Variants in ADGRE1 observed in about 807,000 individuals in gnomAD.
The protein encoded by ADGRE1 is adhesion G protein-coupled receptor E1, also known as EGF-like module receptor 1.
ADGRE1 carries 82 observed loss-of-function variants against 102.7 expected under a neutral mutation model. The ratio of observed to expected loss-of-function variants is 0.80; its 90% CI spans 0.67 to 0.96. The LOEUF is 0.96. Among genes scored for constraint, ADGRE1 ranks in the 40% least tolerant of loss-of-function variants. The pLI is 0.00. For missense variants in ADGRE1, 1,032 were observed against 1,085.3 expected, an observed-to-expected ratio of 0.95 and a Z score of 0.69; for synonymous variants, 398 against 399.6, an observed-to-expected ratio of 1.00 and a Z score of 0.05.
intron 9 of ADGRE1, 103 bp from the exon 10 acceptor site, chr19:6,908,586 C>A: frequency 1.1e-6 from 1 of 950,874 alleles, no homozygotes; most frequent in Non-Finnish European, 1.5e-6. Flanking sequence ...TTCAGAGCCA[C>A]CTCATATGAT....
At chr19:6,910,255 A>G (rs567291428) in intron 10 of ADGRE1, among the ~76,000 whole-genome samples, 6 of 152,128 alleles carry the variant, frequency 3.9e-5, no homozygotes, top group African/African-American at 1.2e-4. Context: ...ACTTAGTTCA[A>G]TTTCCTCGAA....
chr19:6,891,943 G>T (rs571393020), intron 2 of ADGRE1, among the ~76,000 whole-genome samples: 54 of 152,186 alleles, frequency 3.5e-4, no homozygotes, highest in Admixed American at 1.2e-3. Context: ...TTGGAGGACC[G>T]AGCGAAGGTG....
chr19:6,901,035 C>G (rs1027910611), intron 5 of ADGRE1, among the ~76,000 whole-genome samples: 1 of 152,170 alleles, frequency 6.6e-6, no homozygotes, highest in African/African-American at 2.4e-5. Flanking sequence ...AGCCTCATCC[C>G]CATGGTTGGG....
intron 18 of ADGRE1, among the ~76,000 whole-genome samples, chr19:6,936,261 C>G (rs949822648): frequency 6.6e-6 from 1 of 151,832 alleles, no homozygotes; most frequent in African/African-American, 2.4e-5. Context: ...ATGGTGAAAC[C>G]CTGTCTTTAC....
chr19:6,924,783 CACA>C lies in ADGRE1; in HGVS notation c.1901_1903del (p.Asn634del). The C allele has an allele frequency of 6.2e-7, 1 of 1,614,160 alleles. No individual in the cohort carries two copies. ...TCTGCTGTGTCGCTCCATCCGAAAT[CACA>C]ACACCTACCTCCACCTGCACCTCTG... On this transcript the variant is annotated inframe_deletion, in exon 15 of 21. Coordinates refer to ENST00000312053, the MANE Select transcript of ADGRE1 (RefSeq NM_001974.5).
At chr19:6,929,448 A>C (rs1975054887) in intron 17 of ADGRE1, among the ~76,000 whole-genome samples, 1 of 152,038 alleles carries the variant, frequency 6.6e-6, no homozygotes, top group Admixed American at 6.6e-5. Context: ...TGGGGTCTTT[A>C]CTTGGCTGGC....
intron 12 of ADGRE1, among the ~76,000 whole-genome samples, chr19:6,917,217 G>A (rs547092556): frequency 2.0e-5 from 3 of 152,218 alleles, no homozygotes; most frequent in Non-Finnish European, 4.4e-5. Flanking sequence ...CCCCTGATCT[G>A]ATCTATGCAT....
At chr19:6,930,865 A>G (rs1174920671) in intron 17 of ADGRE1, among the ~76,000 whole-genome samples, 1 of 151,860 alleles carries the variant, frequency 6.6e-6, no homozygotes, top group Non-Finnish European at 1.5e-5. Flanking sequence ...TCTCGAATTC[A>G]TGACCTCAGG....
At chr19:6,938,858 T>G (rs930251828) in intron 20 of ADGRE1, among the ~76,000 whole-genome samples, 1 of 151,430 alleles carries the variant, frequency 6.6e-6, no homozygotes, top group African/African-American at 2.4e-5. Context: ...TGCAGTGGTG[T>G]GATCTTGGCT....
chr19:6,896,374 A>G lies in ADGRE1; in HGVS notation c.95-24A>G, dbSNP rs745700178. 4 of 1,611,490 alleles carry G rather than the reference A, an allele frequency of 2.5e-6. No individual in the cohort carries two copies. In the Admixed American group the frequency reaches 6.7e-5, roughly 27 times the overall value. On this transcript the variant is annotated intron_variant, in intron 2 of 20. Transcript: ENST00000312053. ...CACTCTAATGCTCTAATCTTGTCTA[A>G]ACTTTTCTTTATACACTGCCTAGGT...
At chr19:6,911,044 G>A (rs1974156080) in intron 10 of ADGRE1, among the ~76,000 whole-genome samples, 1 of 152,076 alleles carries the variant, frequency 6.6e-6, no homozygotes, top group African/African-American at 2.4e-5. Context: ...AGAGGGGCGG[G>A]ATTTGAAGAG....
chr19:6,890,141 G>A (rs1030403615), intron 1 of ADGRE1, among the ~76,000 whole-genome samples: 1 of 152,062 alleles, frequency 6.6e-6, no homozygotes, highest in Non-Finnish European at 1.5e-5. Flanking sequence ...GTGTCAAACT[G>A]CTGGTCTCAA....
At chr19:6,907,383 G>C (rs1365014463) in intron 9 of ADGRE1, among the ~76,000 whole-genome samples, 1 of 149,618 alleles carries the variant, frequency 6.7e-6, no homozygotes, top group African/African-American at 2.5e-5. Context: ...CTGTTGCCCA[G>C]GCTGGAGTGC....
intron 17 of ADGRE1, among the ~76,000 whole-genome samples, chr19:6,934,047 T>C (rs765008587): frequency 6.6e-6 from 1 of 152,126 alleles, no homozygotes; most frequent in Non-Finnish European, 1.5e-5. Context: ...ATTCCGAGAT[T>C]TCTGTAGTCC....
chr19:6,915,920 C>CAAAAAAAA lies in ADGRE1; in HGVS notation c.1301-310_1301-303dup, dbSNP rs67370670. On this transcript the variant is annotated intron_variant, in intron 11 of 20. Transcript: ENST00000312053. ...TAAGTGACAGAGTGAGACTCCGTCT[C>CAAAAAAAA]AAAAAAAAAAAAAAAAAAAAAAAAA... Among the ~76,000 whole-genome samples the CAAAAAAAA allele has an allele frequency of 2.0e-4, 12 of 59,164 alleles. 1 individual carries two copies. Among genetic ancestry groups the CAAAAAAAA allele is most frequent in the African/African-American group, 8.8e-4 (11 of 12,554 alleles). The allele number at this position is 59,164 out of a possible 152,430, so 38.8% of individuals were successfully genotyped here.
chr19:6,903,436 G>A (rs1356395806), intron 6 of ADGRE1, among the ~76,000 whole-genome samples: 1 of 152,132 alleles, frequency 6.6e-6, no homozygotes, highest in Non-Finnish European at 1.5e-5. Context: ...AATTCAATAT[G>A]GATATACCTG....
rs777833540 is a variant in ADGRE1 at position 6,901,945 on chromosome 19, C to T, written c.585C>T (p.Tyr195=). Residue 195 remains tyrosine (Y), a synonymous_variant, in exon 6 of 21, where the codon TAC becomes TAT. Transcript: ENST00000312053. ...HATCNNTVGN[Y]SCFCNPGFES... is the part of the protein sequence containing the mutation. The stretch of plus-strand genomic sequence containing the variant: ...CTTGTAATAACACTGTTGGAAACTA[C>T]TCTTGTTTCTGCAACCCAGGATTTG... The T allele has an allele frequency of 6.2e-7, 1 of 1,614,208 alleles. No homozygotes were observed. The highest frequency in any genetic ancestry group is 8.5e-7 in the Non-Finnish European group (1 of 1,180,040).
intron 2 of ADGRE1, among the ~76,000 whole-genome samples, chr19:6,891,603 G>A (rs1196059846): frequency 4.6e-5 from 7 of 151,862 alleles, no homozygotes; most frequent in African/African-American, 1.2e-4. Flanking sequence ...ACAGGCGCCC[G>A]CCACCACGCC....
chr19:6,929,411 A>G (rs771484289), intron 17 of ADGRE1, among the ~76,000 whole-genome samples: 54 of 152,108 alleles, frequency 3.6e-4, no homozygotes, highest in Non-Finnish European at 6.8e-4. Context: ...GAAGCTGGCC[A>G]CCCACCCTGA....
Sources: allele counts gnomAD v4.1 joint callset (sites outside exome capture counted in the v4.1 genomes callset), GRCh38; gene constraint gnomAD v4.1.1; transcripts MANE v1.5; gene names NCBI Gene and HGNC (gene_info 2026-07-23, HGNC 2026-07-21).